Variants in SYNJ1 observed in about 807,000 individuals in gnomAD.
The protein encoded by SYNJ1 is polyphosphatidylinositol phosphatase SYNJ1.
A neutral mutation model predicts 168.2 loss-of-function variants in SYNJ1; 78 were observed. The ratio of observed to expected loss-of-function variants is 0.46; its 90% CI spans 0.39 to 0.56. The LOEUF is 0.56. Among genes scored for constraint, SYNJ1 ranks in the 20% least tolerant of loss-of-function variants. The probability of loss-of-function intolerance (pLI) is 0.00; values close to 1 mark genes in which losing one functional copy is unlikely to be tolerated. For missense variants in SYNJ1, 1,303 were observed against 1,597.6 expected (o/e 0.82, Z 3.14); for synonymous variants, 539 against 548.6 (o/e 0.98, Z 0.24).
intron 11 of SYNJ1, among the ~76,000 whole-genome samples, chr21:32,680,262 G>A (rs999367632): frequency 2.3e-4 from 35 of 152,158 alleles, no homozygotes; most frequent in Admixed American, 6.5e-5. Flanking sequence ...ATGAGACACA[G>A]AAGAGGAAGA....
rs554165263 is a variant in SYNJ1 at position 32,686,396 on chromosome 21, C to T, written c.949-479G>A. ...TTGAACTTTAGAAAATGTTTTCTAA[C>T]AATCTTGTTTAAGTTTATAATCTTA... is the stretch of plus-strand genomic sequence containing the variant. On this transcript the variant is annotated intron_variant, in intron 8 of 32. Transcript: ENST00000674351. Among the ~76,000 whole-genome samples the T allele has an allele frequency of 5.9e-5, 9 of 152,186 alleles. No individual in the cohort carries two copies. The South Asian group carries it at 1.7e-3, about 28-fold the overall frequency.
intron 8 of SYNJ1, among the ~76,000 whole-genome samples, 175 bp downstream of exon 8, chr21:32,686,803 T>C (rs2041852042): frequency 6.6e-6 from 1 of 152,234 alleles, no homozygotes; most frequent in African/African-American, 2.4e-5. Flanking sequence ...TTCAGCAACA[T>C]TAGCCTAAAT....
chr21:32,669,598 A>T lies in SYNJ1; in HGVS notation c.1811+690T>A, dbSNP rs1569070137. Among the ~76,000 whole-genome samples, 4 of 152,356 alleles carry T rather than the reference A, an allele frequency of 2.6e-5. No homozygotes were observed. In the South Asian group the frequency reaches 8.3e-4, roughly 32 times the overall value. Reference sequence around the variant, plus strand: ...ATAATAGAGCAGAAAAAGTTCATCAATATGGTTTCAGATTCCATTTTGCAA... The same window carrying T: ...ATAATAGAGCAGAAAAAGTTCATCATTATGGTTTCAGATTCCATTTTGCAA... On this transcript the variant is annotated intron_variant, in intron 15 of 32. Coordinates refer to ENST00000674351, the MANE Select transcript of SYNJ1 (RefSeq NM_203446.3).
At chr21:32,638,466 G>A (rs2039678230) in intron 31 of SYNJ1, among the ~76,000 whole-genome samples, 1 of 152,196 alleles carries the variant, frequency 6.6e-6, no homozygotes, top group Non-Finnish European at 1.5e-5. Context: ...GGAGACTGAG[G>A]TGGGCAGATT....
At chr21:32,694,383 T>G in intron 5 of SYNJ1, 72 bp from the exon 6 acceptor site, 2 of 1,199,140 alleles carry the variant, frequency 1.7e-6, no homozygotes, top group Non-Finnish European at 2.3e-6. Context: ...AAAAACAAAT[T>G]TACTAAAATC....
intron 7 of SYNJ1, among the ~76,000 whole-genome samples, chr21:32,687,707 C>G (rs1012386055): frequency 2.6e-5 from 4 of 152,158 alleles, no homozygotes; most frequent in Admixed American, 6.5e-5. Context: ...CTACAGTTAA[C>G]CTTTCAACAA....
chr21:32,656,531 T>C (rs1469029103), intron 21 of SYNJ1, among the ~76,000 whole-genome samples, 156 bp downstream of exon 21: 1 of 152,220 alleles, frequency 6.6e-6, no homozygotes, highest in African/African-American at 2.4e-5. Flanking sequence ...AGTATGATCT[T>C]GCTTTAGTTT....
intron 22 of SYNJ1, among the ~76,000 whole-genome samples, chr21:32,652,587 G>A (rs2040313025): frequency 2.0e-5 from 3 of 152,200 alleles, no homozygotes; most frequent in Admixed American, 2.0e-4. Context: ...GTTGCTCAGT[G>A]CTGCAGGAAT....
chr21:32,656,742 A>G lies in SYNJ1; in HGVS notation c.2740T>C (p.Leu914=). The change falls in exon 21 of 33, where the codon TTG becomes CTG. Residue 914 remains leucine, a synonymous_variant. Coordinates refer to ENST00000674351, the MANE Select transcript of SYNJ1 (RefSeq NM_203446.3). ...AACTGCTGCAGAAGCTCATCAATCA[A>G]GGCATCATCAAAAAAATTATTTTCT... The part of the protein sequence containing the change: ...LPENNFFDDA[L]IDELLQQFAS... 6.2e-7 allele frequency: 1 copy of G among 1,614,072 alleles called. No individual in the cohort carries two copies. The highest frequency in any genetic ancestry group is 8.5e-7 in the Non-Finnish European group (1 of 1,179,984).
chr21:32,718,056 G>C (rs772985158), intron 2 of SYNJ1, among the ~76,000 whole-genome samples: 3 of 152,128 alleles, frequency 2.0e-5, no homozygotes, highest in Non-Finnish European at 4.4e-5. Context: ...TTTTGTTGTT[G>C]TTACTTAAGG....
intron 2 of SYNJ1, among the ~76,000 whole-genome samples, chr21:32,703,292 G>A (rs1218531634): frequency 2.0e-5 from 3 of 152,178 alleles, no homozygotes; most frequent in African/African-American, 4.8e-5. Flanking sequence ...GTGGAGATTC[G>A]CCAACCCGTT....
At chr21:32,721,545 G>C (rs1428735094) in intron 2 of SYNJ1, among the ~76,000 whole-genome samples, 1 of 151,880 alleles carries the variant, frequency 6.6e-6, no homozygotes, top group Non-Finnish European at 1.5e-5. Flanking sequence ...TAGGTGTGGT[G>C]GGGGGCGCCT....
chr21:32,722,206 AT>A (rs1312996256), intron 2 of SYNJ1, among the ~76,000 whole-genome samples: 865 of 46,806 alleles, frequency 0.018, 3 homozygotes, highest in African/African-American at 0.055. Flanking sequence ...AAAAAAAAAA[AT>A]ATATATATAT....
At chr21:32,719,091 C>T (rs1258380102) in intron 2 of SYNJ1, among the ~76,000 whole-genome samples, 1 of 152,178 alleles carries the variant, frequency 6.6e-6, no homozygotes, top group African/African-American at 2.4e-5. Flanking sequence ...TGGATAAAAG[C>T]ACAATCTGAA....
chr21:32,630,826 T>G lies in SYNJ1; in HGVS notation c.*979A>C, dbSNP rs2039288775. On this transcript the variant is annotated 3_prime_UTR_variant, in exon 33 of 33. Transcript: ENST00000674351. ...AGTTAACAATGAGAAGGGTTTTTCCTTATTTCCAATATACACATAGTCCAA... is the reference window on the plus strand; with the variant it reads ...AGTTAACAATGAGAAGGGTTTTTCCGTATTTCCAATATACACATAGTCCAA... 1 of 641,642 alleles carries G rather than the reference T, an allele frequency of 1.6e-6. No individual in the cohort carries two copies. Among genetic ancestry groups the G allele is most frequent in the African/African-American group, 1.8e-5 (1 of 55,000 alleles). 39.7% of individuals were successfully genotyped at this position (641,642 alleles called of 1,614,324 possible).
At chr21:32,711,337 CTTT>C (rs766824769) in intron 2 of SYNJ1, among the ~76,000 whole-genome samples, 1 of 144,192 alleles carries the variant, frequency 6.9e-6, no homozygotes, top group Non-Finnish European at 1.5e-5. Context: ...GAGTGACTTA[CTTT>C]TTTTTTTTTT....
At chr21:32,655,443 T>G (rs1450502662) in intron 21 of SYNJ1, among the ~76,000 whole-genome samples, 1 of 152,248 alleles carries the variant, frequency 6.6e-6, no homozygotes, top group Non-Finnish European at 1.5e-5. Flanking sequence ...GTCAAAAGAT[T>G]TGAGGAAAGT....
At chr21:32,686,684 G>A (rs2041848110) in intron 8 of SYNJ1, among the ~76,000 whole-genome samples, 1 of 152,152 alleles carries the variant, frequency 6.6e-6, no homozygotes, top group African/African-American at 2.4e-5. Context: ...CTCTACTAGT[G>A]ACAGATAAAC....
intron 6 of SYNJ1, among the ~76,000 whole-genome samples, chr21:32,689,902 C>T (rs1413806086): frequency 6.6e-6 from 1 of 152,218 alleles, no homozygotes; most frequent in Admixed American, 6.5e-5. Flanking sequence ...ATTTGAAAGA[C>T]GTATGTCCCA....
Sources: gnomAD v4.1 joint callset for allele counts (sites outside exome capture counted in the v4.1 genomes callset) on GRCh38, gnomAD v4.1.1 for gene constraint, MANE v1.5 for transcripts, NCBI Gene and HGNC (gene_info 2026-07-23, HGNC 2026-07-21) for gene names.